Variants in ACAN observed in about 807,000 individuals in gnomAD.
The protein encoded by ACAN is aggrecan core protein.
In ACAN, 47 loss-of-function variants were observed where a neutral mutation model predicts 169.1. The ratio of observed to expected loss-of-function variants is 0.28; its 90% confidence interval spans 0.22 to 0.35. The LOEUF (loss-of-function observed/expected upper bound fraction) is 0.35, where lower values mean the gene tolerates loss of function less well. Among genes scored for constraint, ACAN ranks in the 10% least tolerant of loss-of-function variants. The probability of loss-of-function intolerance (pLI) is 1.00; values close to 1 mark genes in which losing one functional copy is unlikely to be tolerated. For synonymous variants in ACAN, 1,115 were observed against 1,112.2 expected, an observed-to-expected ratio of 1.00 and a Z score of -0.05; for missense variants, 2,716 against 2,759.9, an observed-to-expected ratio of 0.98 and a Z score of 0.36.
At chr15:88,842,359 A>G (rs924352672) in intron 5 of ACAN, among the ~76,000 whole-genome samples, 2 of 152,112 alleles carry the variant, frequency 1.3e-5, no homozygotes. Context: ...GGCAGTGGAG[A>G]GGAACCTGGG....
In ACAN at chr15:88,856,801, G is replaced by A. The variant is rs746137604; in HGVS notation, c.4216G>A (p.Gly1406Arg). Reference protein sequence around the residue: ...SGEVLETTAPGVEEISGLPSG... With the variant: ...SGEVLETTAPRVEEISGLPSG... ...AGAAGTTCTAGAGACTACTGCCCCT[G>A]GAGTAGAGGAGATCAGCGGGCTTCC... is the stretch of plus-strand genomic sequence containing the variant. Residue 1406 changes from glycine (G) to arginine (R), a missense_variant, in exon 12 of 19, where the codon GGA (glycine) becomes AGA (arginine). By Grantham distance (125) the Gly-to-Arg change is moderately radical (BLOSUM62 -2). Around this residue, in one of 3 missense-constraint regions of ACAN, gnomAD observed 44 missense variants for 114.7 expected, o/e 0.38. Transcript: ENST00000560601. 3 of 1,539,526 alleles carry A rather than the reference G, an allele frequency of 1.9e-6. No individual in the cohort carries two copies. The South Asian group carries it at 3.5e-5, about 18-fold the overall frequency.
Position 88,872,080 on chromosome 15 carries a change from C to G in ACAN, c.7297C>G (p.Pro2433Ala), listed in dbSNP as rs571846898. 1 of 1,613,694 alleles carries G rather than the reference C, an allele frequency of 6.2e-7. No homozygotes were observed. Among genetic ancestry groups the G allele is most frequent in the Non-Finnish European group, 8.5e-7 (1 of 1,179,744 alleles). ...GGACTTCCGCTGGTCAGATGGACAC[C>G]CCATGGTGAGTTCTGCTGTAGGCAC... ...EGDFRWSDGH[P>A]MQFENWRPNQ... The change falls in exon 16 of 19, where the codon CCC (proline) becomes GCC (alanine). Residue 2433 changes from proline to alanine, a missense_variant. Coordinates refer to ENST00000560601, the MANE Select transcript of ACAN (RefSeq NM_001369268.1). This position sits in a 1 kb window ranked among gnomAD's most constrained non-coding sequence, Gnocchi z 5.4.
intron 11 of ACAN, among the ~76,000 whole-genome samples, chr15:88,852,869 G>T (rs1286369282): frequency 6.6e-6 from 1 of 152,216 alleles, no homozygotes; most frequent in African/African-American, 2.4e-5. Context: ...CAGTTTCCCT[G>T]GGGGTATGTG....
In ACAN at chr15:88,859,547, A is replaced by G. The variant is rs544858831; in HGVS notation, c.6832+130A>G. 4 of 1,268,022 alleles carry G rather than the reference A, an allele frequency of 3.2e-6. No individual in the cohort carries two copies. The East Asian group carries it at 7.6e-5, about 24-fold the overall frequency. 78.5% of individuals were successfully genotyped at this position (1,268,022 alleles called of 1,614,324 possible). On this transcript the variant is annotated intron_variant, in intron 12 of 18. Transcript: ENST00000560601. ...CACCAAAGGTTAGCTGTGCAGCCTC[A>G]GGCAATAGTCTTCCCCTCTCTGAGC...
At chr15:88,815,840 G>A (rs1354512856) in intron 1 of ACAN, among the ~76,000 whole-genome samples, 1 of 152,106 alleles carries the variant, frequency 6.6e-6, no homozygotes, top group African/African-American at 2.4e-5. Context: ...TCATTTCCTA[G>A]GCCTGCCATA....
intron 1 of ACAN, among the ~76,000 whole-genome samples, chr15:88,812,815 A>G (rs1335617804): frequency 6.6e-6 from 1 of 152,126 alleles, no homozygotes; most frequent in Non-Finnish European, 1.5e-5. Flanking sequence ...GAGCTCCACA[A>G]AGAGCACTCC....
rs1386179467 is a variant in ACAN at position 88,807,409 on chromosome 15, T to A, written c.-8+3600T>A. The stretch of plus-strand genomic sequence containing the variant: ...GATGGTAGCCGCACTGCCGCCCTGA[T>A]AACTTAAAGGAAGCCCCTTCAATGG... On this transcript the variant is annotated intron_variant, in intron 1 of 18. Transcript: ENST00000560601. This position sits in a 1 kb window ranked among gnomAD's most constrained non-coding sequence, Gnocchi z 4.0. Among the ~76,000 whole-genome samples, 1 of 152,154 alleles carries A rather than the reference T, an allele frequency of 6.6e-6. No homozygotes were observed. Among genetic ancestry groups the A allele is most frequent in the East Asian group, 1.9e-4 (1 of 5,186 alleles).
chr15:88,862,584 A>C (rs1596150849), intron 13 of ACAN, among the ~76,000 whole-genome samples: 1 of 152,072 alleles, frequency 6.6e-6, no homozygotes, highest in African/African-American at 2.4e-5. Context: ...GTCCCAGGTC[A>C]CTCTTGTTCA....
Position 88,869,817 on chromosome 15 carries a change from C to T in ACAN, c.7060+1488C>T, listed in dbSNP as rs1423347635. The stretch of plus-strand genomic sequence containing the variant: ...CCTCACCACTCCACGGTGCCTCCTG[C>T]CTTGGCTCTGTCCCTGTTACCTCTT... On this transcript the variant is annotated intron_variant, in intron 14 of 18. Coordinates refer to ENST00000560601, the MANE Select transcript of ACAN (RefSeq NM_001369268.1). This position sits in a 1 kb window ranked among gnomAD's most constrained non-coding sequence, Gnocchi z 4.2. Among the ~76,000 whole-genome samples, 1 of 152,168 alleles carries T rather than the reference C, an allele frequency of 6.6e-6. No homozygotes were observed. The highest frequency in any genetic ancestry group is 1.5e-5 in the Non-Finnish European group (1 of 68,022).
chr15:88,830,761 T>C (rs1896339287), intron 1 of ACAN, among the ~76,000 whole-genome samples: 1 of 152,208 alleles, frequency 6.6e-6, no homozygotes, highest in African/African-American at 2.4e-5. Context: ...GGTGAGTGAA[T>C]GCGAAGGCCT....
In ACAN at chr15:88,845,800, C is replaced by A. The variant is rs1896780153; in HGVS notation, c.1347C>A (p.Gly449=). ...GGCCCTGGGGCTTTCCCACACCTGG[C>A]CTGGGCCCTGCCACGGCATTCACCA... ...ATRPWGFPTP[G]LGPATAFTSE... Residue 449 remains glycine, a synonymous_variant, in exon 7 of 19, where the codon GGC becomes GGA. Coordinates refer to ENST00000560601, the MANE Select transcript of ACAN (RefSeq NM_001369268.1). The A allele has an allele frequency of 6.4e-7, 1 of 1,571,852 alleles. No individual in the cohort carries two copies. Among genetic ancestry groups the A allele is most frequent in the South Asian group, 1.2e-5 (1 of 84,490 alleles).
rs1897060772 is a variant in ACAN, at chr15:88,856,920, AGAG to A, written c.4339_4341del (p.Glu1447del). On this transcript the variant is annotated inframe_deletion, in exon 12 of 19. Coordinates refer to ENST00000560601, the MANE Select transcript of ACAN (RefSeq NM_001369268.1). ...TTCTAGAGACTACTGCCCCTGGAGTAGAGGAGATCAGCGGGCTTCCTTCTGGAG... is the reference window on the plus strand; with the variant it reads ...TTCTAGAGACTACTGCCCCTGGAGTAGAGATCAGCGGGCTTCCTTCTGGAG... 2.5e-6 allele frequency: 4 copies of A among 1,606,810 alleles called. No homozygotes were observed. The highest frequency in any genetic ancestry group is 4.5e-5 in the East Asian group (2 of 44,646).
Position 88,870,467 on chromosome 15 carries a change from A to G in ACAN, c.7061-915A>G, listed in dbSNP as rs1012626679. Among the ~76,000 whole-genome samples the G allele has an allele frequency of 1.1e-4, 16 of 152,212 alleles. No individual in the cohort carries two copies. Among genetic ancestry groups the G allele is most frequent in the African/African-American group, 3.9e-4 (16 of 41,450 alleles). ...AGGAGAAAGGAGCCCTGATTGTAGC[A>G]TCTGCCAATTCCTGAGGTGTAAATG... On this transcript the variant is annotated intron_variant, in intron 14 of 18. Coordinates refer to ENST00000560601, the MANE Select transcript of ACAN (RefSeq NM_001369268.1). The surrounding 1 kb of genome is among the most constrained non-coding windows in gnomAD (Gnocchi z 6.3).
chr15:88,857,098 G>A lies in ACAN; in HGVS notation c.4513G>A (p.Asp1505Asn). Residue 1505 changes from aspartate (D) to asparagine (N), a missense_variant, in exon 12 of 19, where the codon GAT (aspartate) becomes AAT (asparagine). Coordinates refer to ENST00000560601, the MANE Select transcript of ACAN (RefSeq NM_001369268.1). ...VVETSASGIE[D>N]VSELPSGEGL... is the part of the protein sequence containing the mutation. ...AGAGACTTCTGCCTCTGGAATAGAG[G>A]ATGTCAGTGAACTTCCTTCAGGAGA... 1 of 1,607,008 alleles carries A rather than the reference G, an allele frequency of 6.2e-7. No individual in the cohort carries two copies. Among genetic ancestry groups the A allele is most frequent in the Non-Finnish European group, 8.5e-7 (1 of 1,175,462 alleles).
Position 88,843,710 on chromosome 15 carries a change from G to T in ACAN, c.1051+62G>T. ...CACTAAAATGGGGTCCTAGAGGGAA[G>T]AGGGGATCTTGGAAAGGGAGGGTTG... On this transcript the variant is annotated intron_variant, in intron 6 of 18. Coordinates refer to ENST00000560601, the MANE Select transcript of ACAN (RefSeq NM_001369268.1). This position sits in a 1 kb window ranked among gnomAD's most constrained non-coding sequence, Gnocchi z 4.0. 1 of 1,501,336 alleles carries T rather than the reference G, an allele frequency of 6.7e-7. No homozygotes were observed. The highest frequency in any genetic ancestry group is 2.3e-5 in the East Asian group (1 of 43,038). 93.0% of individuals were successfully genotyped at this position (1,501,336 alleles called of 1,614,324 possible). A position where few individuals can be genotyped will look rare whatever the true frequency, so the allele number is the denominator to read the frequency against.
At chr15:88,864,973 G>T (rs116881774) in intron 13 of ACAN, among the ~76,000 whole-genome samples, 2,198 of 152,264 alleles carry the variant, frequency 0.014, 24 homozygotes, top group Middle Eastern at 0.048. Flanking sequence ...CTCACTTGGA[G>T]GTCCTGGGCT....
rs773138861 is a variant in ACAN at position 88,860,305 on chromosome 15, C to T, written c.6833-21C>T. The T allele has an allele frequency of 1.9e-5, 30 of 1,567,626 alleles. No individual in the cohort carries two copies. The Middle Eastern group carries it at 5.6e-4, about 29-fold the overall frequency. ...AGGTGACTGTGTTCTTGATGCTCAA[C>T]CTCTCCCCTGGGGGTTGCAGCCCCC... On this transcript the variant is annotated intron_variant, in intron 12 of 18. Coordinates refer to ENST00000560601, the MANE Select transcript of ACAN (RefSeq NM_001369268.1).
In ACAN at chr15:88,843,262, C is replaced by T; in HGVS notation, c.758-93C>T. ...GGACTTTGGGAAGTTAAAGGACTCC[C>T]AAGACCTCGTGGAAAAGTGTGGATC... On this transcript the variant is annotated intron_variant, in intron 5 of 18. Transcript: ENST00000560601. This position sits in a 1 kb window ranked among gnomAD's most constrained non-coding sequence, Gnocchi z 4.0. 7.7e-7 allele frequency: 1 copy of T among 1,302,398 alleles called. No homozygotes were observed. The highest frequency in any genetic ancestry group is 1.0e-6 in the Non-Finnish European group (1 of 964,610). The allele number at this position is 1,302,398 out of a possible 1,614,324, so 80.7% of individuals were successfully genotyped here.
At position 88,871,651 on chromosome 15, in the gene ACAN, C is replaced by A; in HGVS notation, c.7219+111C>A. On this transcript the variant is annotated intron_variant, in intron 15 of 18. Transcript: ENST00000560601. The surrounding 1 kb of genome is among the most constrained non-coding windows in gnomAD (Gnocchi z 7.8). ...GCCTCGTGAGACTGCAGGACAGGGA[C>A]CTGGGGGAGGGGGAACAGTGTTCCC... The A allele has an allele frequency of 7.3e-7, 1 of 1,372,204 alleles. No homozygotes were observed. The highest frequency in any genetic ancestry group is 9.8e-7 in the Non-Finnish European group (1 of 1,022,048). 85.0% of individuals were successfully genotyped at this position (1,372,204 alleles called of 1,614,324 possible).
Sources: allele counts gnomAD v4.1 joint callset (sites outside exome capture counted in the v4.1 genomes callset), GRCh38; gene constraint gnomAD v4.1.1; regional missense constraint gnomAD v4.1.1; non-coding constraint Gnocchi (gnomAD v3.1); transcripts MANE v1.5; gene names NCBI Gene and HGNC (gene_info 2026-07-23, HGNC 2026-07-21).